PLEKHM2: variants seen among roughly 807,000 people sequenced by gnomAD.
PLEKHM2 encodes pleckstrin homology domain-containing family M member 2.
Under a neutral mutation model 116.3 loss-of-function variants are expected in PLEKHM2, and 77 were observed. The ratio of observed to expected loss-of-function variants is 0.66; its 90% confidence interval spans 0.55 to 0.80. The LOEUF is 0.80. Among genes scored for constraint, PLEKHM2 ranks in the 30% least tolerant of loss-of-function variants. The pLI is 0.00. For missense variants in PLEKHM2, 1,183 were observed against 1,354.9 expected (o/e 0.87, Z 1.99); for synonymous variants, 562 against 571.0 (o/e 0.98, Z 0.22).
Position 15,684,615 on chromosome 1 carries a change from GA to G in PLEKHM2, c.59del (p.Lys20SerfsTer117). 7.7e-7 allele frequency: 1 copy of G among 1,299,956 alleles called. No individual in the cohort carries two copies. The allele number at this position is 1,299,956 out of a possible 1,614,324, so 80.5% of individuals were successfully genotyped here. On this transcript the variant is annotated frameshift_variant and splice_region_variant, in exon 1 of 20. Transcript: ENST00000375799. LOFTEE classifies it high-confidence loss of function. ...ILENISLSVK[K>X]LQSYFAACED... Reference sequence around the variant, plus strand: ...TGGAGAACATCTCGCTGTCGGTGAAGAAGGTGAGCGCGGCCTCCCTCCCGGC... The same window carrying G: ...TGGAGAACATCTCGCTGTCGGTGAAGAGGTGAGCGCGGCCTCCCTCCCGGC...
At chr1:15,692,845 T>C (rs771751358) in intron 1 of PLEKHM2, among the ~76,000 whole-genome samples, 1 of 152,082 alleles carries the variant, frequency 6.6e-6, no homozygotes, top group Non-Finnish European at 1.5e-5. Context: ...GTTCAAGTGA[T>C]TCTCCTGCCT....
At chr1:15,692,090 G>A (rs1483395590) in intron 1 of PLEKHM2, among the ~76,000 whole-genome samples, 5 of 151,892 alleles carry the variant, frequency 3.3e-5, no homozygotes, top group African/African-American at 1.2e-4. Flanking sequence ...TCCAGCCTGG[G>A]TGACAGAGTG....
At chr1:15,726,647 G>T (rs913758133) in intron 8 of PLEKHM2, among the ~76,000 whole-genome samples, 5 of 152,210 alleles carry the variant, frequency 3.3e-5, no homozygotes, top group Admixed American at 6.5e-5. Flanking sequence ...ACATCCGAAG[G>T]GGGGCTGAGT....
At position 15,727,984 on chromosome 1, in the gene PLEKHM2, G is replaced by A. The variant is rs1425981655; in HGVS notation, c.1761-95G>A. On this transcript the variant is annotated intron_variant, in intron 9 of 19. Transcript: ENST00000375799. The surrounding 1 kb of genome is among the most constrained non-coding windows in gnomAD (Gnocchi z 7.5). ...CCTCCCTAACTTTGGCTCCTAGTGG[G>A]AGGCGGAGGCACTACCCCCTGGCTC... 3.4e-5 allele frequency: 42 copies of A among 1,235,866 alleles called. No individual in the cohort carries two copies. The highest frequency in any genetic ancestry group is 4.5e-5 in the Non-Finnish European group (39 of 859,166). 76.6% of individuals were successfully genotyped at this position (1,235,866 alleles called of 1,614,324 possible).
At chr1:15,702,191 C>T (rs1319958486) in intron 1 of PLEKHM2, among the ~76,000 whole-genome samples, 1 of 152,194 alleles carries the variant, frequency 6.6e-6, no homozygotes, top group East Asian at 1.9e-4. Flanking sequence ...GCAAGGTGGG[C>T]AGTGGCATGT....
chr1:15,695,286 T>C (rs1031347624), intron 1 of PLEKHM2, among the ~76,000 whole-genome samples: 3 of 152,224 alleles, frequency 2.0e-5, no homozygotes, highest in African/African-American at 7.2e-5. Flanking sequence ...ACTTAATTTT[T>C]GAGGGTAATC....
At chr1:15,702,717 CT>C (rs34226783) in intron 1 of PLEKHM2, among the ~76,000 whole-genome samples, 21,191 of 89,882 alleles carry the variant, frequency 0.24, 2,418 homozygotes, top group African/African-American at 0.41. Flanking sequence ...CGTGCCCAGC[CT>C]TTTTTTTTTT....
At chr1:15,683,854 G>T (rs1471599721), upstream of PLEKHM2, among the ~76,000 whole-genome samples, 1 of 150,448 alleles carries the variant, frequency 6.6e-6, no homozygotes, top group African/African-American at 2.5e-5. Flanking sequence ...CGGGGTCGGG[G>T]TCTCCGGAGT....
At chr1:15,711,083 C>T (rs1009345989) in intron 1 of PLEKHM2, among the ~76,000 whole-genome samples, 3 of 151,922 alleles carry the variant, frequency 2.0e-5, no homozygotes, top group South Asian at 2.1e-4. Flanking sequence ...GGAACCTGGC[C>T]GGGCATGACG....
At chr1:15,732,135 A>T in intron 17 of PLEKHM2, 87 bp downstream of exon 17, 8 of 1,326,192 alleles carry the variant, frequency 6.0e-6, no homozygotes, top group Non-Finnish European at 8.4e-6. Context: ...ATAGTCACAG[A>T]GCAACCTGAG....
At chr1:15,684,660 G>A in intron 1 of PLEKHM2, 42 bp downstream of exon 1, 3 of 1,155,746 alleles carry the variant, frequency 2.6e-6, no homozygotes, top group South Asian at 3.8e-5. Context: ...CTTCCTCGCC[G>A]CGCCCCCCAC....
At chr1:15,697,691 TCTCA>T (rs1641025329) in intron 1 of PLEKHM2, among the ~76,000 whole-genome samples, 1 of 152,192 alleles carries the variant, frequency 6.6e-6, no homozygotes, top group Non-Finnish European at 1.5e-5. Context: ...TGAGACAGGG[TCTCA>T]CTCTGTCACC....
chr1:15,683,740 T>C (rs1640695893), upstream of PLEKHM2, among the ~76,000 whole-genome samples: 1 of 133,494 alleles, frequency 7.5e-6, no homozygotes, highest in South Asian at 2.4e-4. Flanking sequence ...CCGGAGTCCC[T>C]GGAGTCTGAG....
intron 15 of PLEKHM2, among the ~76,000 whole-genome samples, 179 bp from the exon 16 acceptor site, chr1:15,731,013 T>A (rs2148378913): frequency 6.6e-6 from 1 of 152,176 alleles, no homozygotes; most frequent in East Asian, 1.9e-4. Flanking sequence ...GTGGCCACAT[T>A]CCCTGCTGGG....
chr1:15,729,783 C>T lies in PLEKHM2; in HGVS notation c.2076-14C>T, dbSNP rs752857453. The T allele has an allele frequency of 2.5e-6, 4 of 1,606,226 alleles. No individual in the cohort carries two copies. The highest frequency in any genetic ancestry group is 1.1e-5 in the South Asian group (1 of 90,126). On this transcript the variant is annotated splice_polypyrimidine_tract_variant and intron_variant, in intron 13 of 19. Coordinates refer to ENST00000375799, the MANE Select transcript of PLEKHM2 (RefSeq NM_015164.4). The surrounding 1 kb of genome is among the most constrained non-coding windows in gnomAD (Gnocchi z 4.7). ...TTCCCAGGCCTCTAACCACAAACCT[C>T]ACTCCCTATGCAGGTTCTTTTTGGC...
upstream of PLEKHM2, chr1:15,682,731 G>A (rs1268333231): frequency 5.3e-5 from 8 of 152,268 alleles, no homozygotes; most frequent in African/African-American, 1.9e-4. Context: ...GGCTTGTGGG[G>A]TCCCTCTGAG....
chr1:15,684,656 C>T (rs1640725725), intron 1 of PLEKHM2, 38 bp downstream of exon 1: 1 of 1,171,300 alleles, frequency 8.5e-7, no homozygotes, highest in South Asian at 3.7e-5. Context: ...GCCCCTTCCT[C>T]GCCGCGCCCC....
In PLEKHM2 at chr1:15,720,399, C is replaced by T. The variant is rs771211442; in HGVS notation, c.652+479C>T. ...ACCTTGCCACTGTGTCCTGTGTGTCCGTCCGATTTCTCTGAGTTCCTTCTG... is the reference window on the plus strand; with the variant it reads ...ACCTTGCCACTGTGTCCTGTGTGTCTGTCCGATTTCTCTGAGTTCCTTCTG... On this transcript the variant is annotated intron_variant, in intron 6 of 19. Coordinates refer to ENST00000375799, the MANE Select transcript of PLEKHM2 (RefSeq NM_015164.4). The T allele has an allele frequency of 2.1e-5, 21 of 984,960 alleles. No individual in the cohort carries two copies. The Middle Eastern group carries it at 1.6e-3, about 73-fold the overall frequency. The allele number at this position is 984,960 out of a possible 1,614,324, so 61.0% of individuals were successfully genotyped here.
chr1:15,695,516 T>G (rs1192514708), intron 1 of PLEKHM2, among the ~76,000 whole-genome samples: 2 of 152,036 alleles, frequency 1.3e-5, no homozygotes, highest in East Asian at 3.9e-4. Flanking sequence ...CACTTTGGGT[T>G]TTTTGGGGTT....
Sources: allele counts gnomAD v4.1 joint callset (sites outside exome capture counted in the v4.1 genomes callset), GRCh38; gene constraint gnomAD v4.1.1; non-coding constraint Gnocchi (gnomAD v3.1); transcripts MANE v1.5; gene names NCBI Gene and HGNC (gene_info 2026-07-23, HGNC 2026-07-21).